The following CADM2 variants were observed in gnomAD, a reference collection of about 807,000 sequenced individuals.
CADM2 encodes immunoglobulin superfamily member 4D.
Under a neutral mutation model 49.8 loss-of-function variants are expected in CADM2, and 12 were observed. The ratio of observed to expected loss-of-function variants is 0.24; its 90% CI spans 0.15 to 0.39. The LOEUF is 0.39. Ranked by LOEUF, CADM2 falls within the 10% of genes least tolerant of loss-of-function variation. The pLI is 1.00. For missense variants in CADM2, 378 were observed against 492.3 expected (o/e 0.77, Z 2.20); for synonymous variants, 214 against 175.4 (o/e 1.22, Z -1.74).
At chr3:85,869,941 G>A (rs529018101) in intron 3 of CADM2, among the ~76,000 whole-genome samples, 10 of 152,260 alleles carry the variant, frequency 6.6e-5, no homozygotes, top group East Asian at 3.9e-4. Flanking sequence ...GATTACAGGC[G>A]TGAGCCACCG....
At chr3:85,938,457 G>A (rs1460912917) in intron 7 of CADM2, among the ~76,000 whole-genome samples, 1 of 151,874 alleles carries the variant, frequency 6.6e-6, no homozygotes, top group Non-Finnish European at 1.5e-5. Flanking sequence ...AAGTGGAAGA[G>A]GGATGAGAAA....
chr3:85,295,840 G>A (rs1485507718), intron 1 of CADM2, among the ~76,000 whole-genome samples: 3 of 151,798 alleles, frequency 2.0e-5, no homozygotes, highest in African/African-American at 7.3e-5. Flanking sequence ...TGACGAGTTA[G>A]TGGGTGCAAC....
intron 7 of CADM2, among the ~76,000 whole-genome samples, chr3:85,957,879 T>C (rs954621502): frequency 2.0e-5 from 3 of 151,940 alleles, no homozygotes; most frequent in African/African-American, 7.2e-5. Flanking sequence ...AACATAGGCA[T>C]GGTCAAAGAG....
chr3:85,177,792 T>G (rs914983908), intron 1 of CADM2, among the ~76,000 whole-genome samples: 2 of 151,962 alleles, frequency 1.3e-5, no homozygotes, highest in Non-Finnish European at 2.9e-5. Context: ...ATGAGTAGTG[T>G]ATCATGCCAT....
chr3:85,908,980 T>C (rs1717193118), intron 5 of CADM2, among the ~76,000 whole-genome samples: 1 of 152,124 alleles, frequency 6.6e-6, no homozygotes, highest in African/African-American at 2.4e-5. Flanking sequence ...CACCTCGGCC[T>C]CCCAAAGTGC....
chr3:85,352,191 A>T (rs2031416243), intron 1 of CADM2, among the ~76,000 whole-genome samples: 1 of 152,126 alleles, frequency 6.6e-6, no homozygotes, highest in African/African-American at 2.4e-5. Flanking sequence ...TCTTATAAAA[A>T]TATCTCTTTC....
rs970274615 is a variant in CADM2, at chr3:84,959,138, A to G, written c.-470A>G. 5.5e-6 allele frequency: 1 copy of G among 181,906 alleles called. No individual in the cohort carries two copies. The highest frequency in any genetic ancestry group is 2.4e-5 in the African/African-American group (1 of 41,376). The allele number at this position is 181,906 out of a possible 1,614,324, so 11.3% of individuals were successfully genotyped here. ...CTACCTCCCCTCCCAGGACCCCGAG[A>G]CACCCCGGGCGCGAGCGGCAGTGCT... On this transcript the variant is annotated 5_prime_UTR_variant, in exon 1 of 10. Coordinates refer to ENST00000383699, the MANE Select transcript of CADM2 (RefSeq NM_001167675.2).
intron 1 of CADM2, among the ~76,000 whole-genome samples, chr3:85,355,201 G>A (rs1368583634): frequency 6.6e-6 from 1 of 152,076 alleles, no homozygotes; most frequent in Admixed American, 6.6e-5. Flanking sequence ...AAAGAGGGAA[G>A]GGGAGTTCAG....
At chr3:85,368,868 G>C (rs565410385) in intron 1 of CADM2, among the ~76,000 whole-genome samples, 1 of 152,164 alleles carries the variant, frequency 6.6e-6, no homozygotes, top group South Asian at 2.1e-4. Context: ...ACCCTATTCT[G>C]TCTCATTGCT....
intron 1 of CADM2, among the ~76,000 whole-genome samples, chr3:85,033,093 A>T (rs1451843367): frequency 6.6e-6 from 1 of 152,170 alleles, no homozygotes; most frequent in African/African-American, 2.4e-5. Flanking sequence ...TTCGTTTTTA[A>T]TTAAGCCAAA....
chr3:86,020,364 G>C (rs1350218377), intron 8 of CADM2, among the ~76,000 whole-genome samples: 1 of 151,846 alleles, frequency 6.6e-6, no homozygotes, highest in Non-Finnish European at 1.5e-5. Context: ...CAACCAAAAA[G>C]AGTCCAGGAC....
intron 1 of CADM2, among the ~76,000 whole-genome samples, chr3:85,058,341 G>GTA (rs747128284): frequency 2.8e-4 from 43 of 152,118 alleles, no homozygotes; most frequent in Admixed American, 3.3e-4. Flanking sequence ...AGAAGTATGT[G>GTA]TATATATATA....
chr3:85,519,417 A>G (rs904381649), intron 1 of CADM2, among the ~76,000 whole-genome samples: 3 of 152,036 alleles, frequency 2.0e-5, no homozygotes, highest in African/African-American at 2.4e-5. Flanking sequence ...TACTTACTCA[A>G]TTATATCGTT....
chr3:85,381,273 T>C (rs985342915), intron 1 of CADM2, among the ~76,000 whole-genome samples: 7 of 148,396 alleles, frequency 4.7e-5, no homozygotes, highest in Non-Finnish European at 1.0e-4. Flanking sequence ...TTTATTCTTA[T>C]GTTTTCTGCT....
chr3:85,341,185 G>T (rs1344789630), intron 1 of CADM2, among the ~76,000 whole-genome samples: 1 of 151,104 alleles, frequency 6.6e-6, no homozygotes, highest in Non-Finnish European at 1.5e-5. Context: ...AAGCATATTT[G>T]TTTAATCTGA....
At chr3:85,116,936 A>G (rs188896998) in intron 1 of CADM2, among the ~76,000 whole-genome samples, 98 of 152,272 alleles carry the variant, frequency 6.4e-4, no homozygotes, top group African/African-American at 2.2e-3. Flanking sequence ...TGACTCACCC[A>G]TGTAATCCCA....
chr3:85,404,560 A>G (rs2035279123), intron 1 of CADM2, among the ~76,000 whole-genome samples: 1 of 152,164 alleles, frequency 6.6e-6, no homozygotes, highest in Non-Finnish European at 1.5e-5. Context: ...TTCTCCAGCT[A>G]GCTATTAATT....
chr3:85,818,690 AAAAGTT>A (rs1240633330), intron 3 of CADM2, among the ~76,000 whole-genome samples: 1 of 152,158 alleles, frequency 6.6e-6, no homozygotes, highest in Admixed American at 6.5e-5. Context: ...TAAATTCTTT[AAAAGTT>A]AGAACACTGA....
In CADM2 at chr3:85,411,581, G is replaced by A. The variant is rs569560272; in HGVS notation, c.62-314941G>A. 1.1e-4 allele frequency among the ~76,000 whole-genome samples: 16 copies of A among 152,204 alleles called. No individual in the cohort carries two copies. In the South Asian group the frequency reaches 2.7e-3, roughly 26 times the overall value. On this transcript the variant is annotated intron_variant, in intron 1 of 9. Transcript: ENST00000383699. ...GTCACAGATTTCCCTACTGAACAGC[G>A]TAACAATCATAGTTTATACCAAACC...
Sources: gnomAD v4.1 joint callset for allele counts (sites outside exome capture counted in the v4.1 genomes callset) on GRCh38, gnomAD v4.1.1 for gene constraint, MANE v1.5 for transcripts, NCBI Gene and HGNC (gene_info 2026-07-23, HGNC 2026-07-21) for gene names.